Variants in TLCD4 observed in about 807,000 individuals in gnomAD.
TLCD4 encodes TLC domain containing 4, also known as TLC domain-containing protein 4.
A neutral mutation model predicts 24.2 loss-of-function variants in TLCD4; 7 were observed. The observed-to-expected ratio is 0.29, with a 90% CI of 0.16 to 0.54. TLCD4 has a LOEUF of 0.54. Among genes scored for constraint, TLCD4 ranks in the 20% least tolerant of loss-of-function variants. The pLI is 0.95. For missense variants in TLCD4, 259 were observed against 313.9 expected (o/e 0.82, Z 1.32); for synonymous variants, 103 against 106.4 (o/e 0.97, Z 0.20).
At chr1:95,153,309 T>C (rs1208980576) in intron 5 of TLCD4, among the ~76,000 whole-genome samples, 1 of 152,134 alleles carries the variant, frequency 6.6e-6, no homozygotes, top group Non-Finnish European at 1.5e-5. Flanking sequence ...TTATGTCATA[T>C]ATATTTTGCC....
the TLCD4 span, among the ~76,000 whole-genome samples, chr1:95,102,097 G>A: frequency 6.6e-6 from 1 of 152,212 alleles, no homozygotes; most frequent in Non-Finnish European, 1.5e-5. Context: ...GAAGAGGCAT[G>A]AAGTTGCGGA....
At chr1:95,115,295 A>T (rs1334731084), upstream of TLCD4, among the ~76,000 whole-genome samples, 1 of 151,976 alleles carries the variant, frequency 6.6e-6, no homozygotes, top group African/African-American at 2.4e-5. Context: ...TTTAGTAGAG[A>T]CAGGGTTTCT....
intron 1 of TLCD4, among the ~76,000 whole-genome samples, chr1:95,134,506 G>C (rs1056253451): frequency 2.0e-5 from 3 of 152,178 alleles, no homozygotes; most frequent in Non-Finnish European, 2.9e-5. Flanking sequence ...GGTGTCTTCA[G>C]CATGCTCAGA....
chr1:95,151,559 T>C (rs767521979), intron 5 of TLCD4, 140 bp downstream of exon 5: 13 of 919,974 alleles, frequency 1.4e-5, no homozygotes, highest in Non-Finnish European at 1.9e-5. Flanking sequence ...TTTTGTGGTA[T>C]GCTATCTTCT....
At position 95,140,995 on chromosome 1, in the gene TLCD4, C is replaced by G. The variant is rs150264789; in HGVS notation, c.-11-2896C>G. On this transcript the variant is annotated intron_variant, in intron 1 of 6. Coordinates refer to ENST00000370203, the MANE Select transcript of TLCD4 (RefSeq NM_152487.3). ...TTGGCATGACTGATTAAGCAAGCAG[C>G]TGTTCACTAAGAGGCAAAGCTGAGA... 5.3e-5 allele frequency among the ~76,000 whole-genome samples: 8 copies of G among 152,308 alleles called. No homozygotes were observed. In the East Asian group the frequency reaches 1.5e-3, roughly 29 times the overall value.
rs530781621 is a variant in TLCD4, at chr1:95,168,603, A to G, written c.400-5213A>G. 3.6e-5 allele frequency among the ~76,000 whole-genome samples: 4 copies of G among 111,810 alleles called. No individual in the cohort carries two copies. In the South Asian group the frequency reaches 9.4e-4, roughly 26 times the overall value. 73.4% of individuals were successfully genotyped at this position (111,810 alleles called of 152,430 possible). A position where few individuals can be genotyped will look rare whatever the true frequency, so the allele number is the denominator to read the frequency against. On this transcript the variant is annotated intron_variant, in intron 5 of 6. Transcript: ENST00000370203. ...TTTTTTAAGAGACGGGGTCTCACTA[A>G]TGTTGCCTTGGCTGGGCTCAAATGA... is the stretch of plus-strand genomic sequence containing the variant.
chr1:95,147,680 A>T (rs963529497), intron 2 of TLCD4, among the ~76,000 whole-genome samples: 1 of 152,204 alleles, frequency 6.6e-6, no homozygotes, highest in Non-Finnish European at 1.5e-5. Flanking sequence ...AAGATTTGGG[A>T]TCATATTGTA....
chr1:95,159,324 T>C (rs1007238625), intron 5 of TLCD4, among the ~76,000 whole-genome samples: 1 of 152,254 alleles, frequency 6.6e-6, no homozygotes, highest in Non-Finnish European at 1.5e-5. Flanking sequence ...AAGTATCTGT[T>C]CATATCCTTT....
At chr1:95,117,106 C>A (rs368961027), upstream of TLCD4, among the ~76,000 whole-genome samples, 1 of 152,236 alleles carries the variant, frequency 6.6e-6, no homozygotes, top group East Asian at 1.9e-4. Flanking sequence ...TCACACAGTT[C>A]CCCCGCTGGC....
intron 1 of TLCD4, among the ~76,000 whole-genome samples, chr1:95,138,783 A>G (rs556517564): frequency 1.3e-5 from 2 of 152,246 alleles, no homozygotes; most frequent in South Asian, 4.2e-4. Flanking sequence ...TAAATTCTAC[A>G]TTGTATAGTA....
intron 5 of TLCD4, among the ~76,000 whole-genome samples, chr1:95,161,753 T>C (rs1677816060): frequency 6.6e-6 from 1 of 152,216 alleles, no homozygotes; most frequent in Non-Finnish European, 1.5e-5. Context: ...CTTCATTTCG[T>C]TATGTACCCA....
chr1:95,111,318 C>CAAAA, the TLCD4 span, among the ~76,000 whole-genome samples: 15 of 123,124 alleles, frequency 1.2e-4, no homozygotes, highest in Admixed American at 1.8e-4. Context: ...CAAAACAAAA[C>CAAAA]AAAAAAAAAG....
upstream of TLCD4, among the ~76,000 whole-genome samples, chr1:95,112,770 G>C (rs1484087001): frequency 6.6e-6 from 1 of 152,186 alleles, no homozygotes; most frequent in Admixed American, 6.5e-5. Context: ...AAATAAAAGA[G>C]TAAACTGAAA....
chr1:95,150,381 CA>C, intron 4 of TLCD4, 115 bp downstream of exon 4: 2 of 1,348,560 alleles, frequency 1.5e-6, no homozygotes, highest in Non-Finnish European at 2.0e-6. Context: ...AGGAAGCATA[CA>C]GAGGAAAAAA....
chr1:95,160,409 G>A (rs534617391), intron 5 of TLCD4, among the ~76,000 whole-genome samples: 1 of 152,320 alleles, frequency 6.6e-6, no homozygotes, highest in South Asian at 2.1e-4. Context: ...ATTTTGGGCT[G>A]AGACGATGGG....
intron 1 of TLCD4, among the ~76,000 whole-genome samples, chr1:95,127,432 T>A (rs1676771144): frequency 6.6e-6 from 1 of 152,150 alleles, no homozygotes; most frequent in Admixed American, 6.5e-5. Context: ...ACTTCCTAGG[T>A]AGCTTGGCGG....
At chr1:95,094,489 T>C in the TLCD4 span, among the ~76,000 whole-genome samples, 31 of 152,294 alleles carry the variant, frequency 2.0e-4, no homozygotes, top group Non-Finnish European at 4.1e-4. Context: ...CAGCACCAAC[T>C]TGCAAGGCCC....
upstream of TLCD4, among the ~76,000 whole-genome samples, chr1:95,115,338 C>A (rs1005717765): frequency 3.3e-5 from 5 of 152,098 alleles, no homozygotes; most frequent in Non-Finnish European, 7.4e-5. Context: ...GAACTCTCAA[C>A]CTCAGGTGAT....
At position 95,118,487 on chromosome 1, in the gene TLCD4, T is replaced by C. The variant is rs185188572; in HGVS notation, c.-12+870T>C. Among the ~76,000 whole-genome samples the C allele has an allele frequency of 2.0e-5, 3 of 152,352 alleles. No homozygotes were observed. In the East Asian group the frequency reaches 5.8e-4, roughly 29 times the overall value. On this transcript the variant is annotated intron_variant, in intron 1 of 6. Coordinates refer to ENST00000370203, the MANE Select transcript of TLCD4 (RefSeq NM_152487.3). Reference sequence around the variant, plus strand: ...TTATGAAATTTACTTTAAAGACTGATCTTGGATAATGTTTAATCCAAATAC... The same window carrying C: ...TTATGAAATTTACTTTAAAGACTGACCTTGGATAATGTTTAATCCAAATAC...
Sources: gnomAD v4.1 joint callset for allele counts (sites outside exome capture counted in the v4.1 genomes callset) on GRCh38, gnomAD v4.1.1 for gene constraint, MANE v1.5 for transcripts, NCBI Gene and HGNC (gene_info 2026-07-23, HGNC 2026-07-21) for gene names.